The following CLCN4 variants were observed in gnomAD, a reference collection of about 807,000 sequenced individuals.
CLCN4 encodes Cl-/H+ antiporter 4, also known as H(+)/Cl(-) exchange transporter 4.
CLCN4 carries 1 observed loss-of-function variant against 41.7 expected under a neutral mutation model. That is an observed-to-expected ratio of 0.02 (90% CI 0.01 to 0.11). The LOEUF (loss-of-function observed/expected upper bound fraction) is 0.11, where lower values mean the gene tolerates loss of function less well. Ranked by LOEUF, CLCN4 falls within the 10% of genes least tolerant of loss-of-function variation. CLCN4 has a pLI of 1.00. For synonymous variants in CLCN4, 277 were observed against 285.8 expected (o/e 0.97, Z 0.31); for missense variants, 287 against 661.0 (o/e 0.43, Z 6.20).
rs1291139183 is a variant in CLCN4, at chrX:10,198,119, C to CCAAA, written c.555+58_555+59insCAAA. ...ATAAGAATAGCAAATTCTTCTGTAG[C>CCAAA]ACTGTCATGCCAAGCACAGTTCCAA... On this transcript the variant is annotated intron_variant, in intron 6 of 12. Coordinates refer to ENST00000380833, the MANE Select transcript of CLCN4 (RefSeq NM_001830.4). The CCAAA allele has an allele frequency of 3.3e-4, 361 of 1,108,620 alleles. 1 individual carries two copies. In the African/African-American group the frequency reaches 5.9e-3, roughly 18 times the overall value. The allele number at this position is 1,108,620 out of a possible 1,213,427, so 91.4% of individuals were successfully genotyped here.
intron 9 of CLCN4, among the ~76,000 whole-genome samples, chrX:10,210,030 A>T (rs1924504484): frequency 9.0e-6 from 1 of 111,654 alleles, no homozygotes; most frequent in South Asian, 3.7e-4. Context: ...CAGCCCCGGC[A>T]ACCACTAATC....
intron 2 of CLCN4, among the ~76,000 whole-genome samples, chrX:10,165,320 C>T (rs1923220456): frequency 8.9e-6 from 1 of 112,825 alleles, no homozygotes; most frequent in African/African-American, 3.2e-5. Context: ...CCTCTTGAAG[C>T]TGCAGAAGAG....
intron 12 of CLCN4, among the ~76,000 whole-genome samples, chrX:10,224,314 G>GTT (rs1924932100): frequency 9.3e-6 from 1 of 107,971 alleles, no homozygotes; most frequent in South Asian, 4.0e-4. Context: ...GTGTGTGTGT[G>GTT]TGTGTGTGTG....
intron 12 of CLCN4, 54 bp downstream of exon 12, chrX:10,220,931 A>AC: frequency 9.9e-6 from 10 of 1,013,989 alleles, no homozygotes; most frequent in Non-Finnish European, 9.7e-6. Flanking sequence ...GATGAGTGAG[A>AC]CATGGTCTCA....
chrX:10,169,231 G>C (rs2147159214), intron 2 of CLCN4, among the ~76,000 whole-genome samples: 1 of 111,833 alleles, frequency 8.9e-6, no homozygotes, highest in African/African-American at 3.2e-5. Context: ...TCTTGAGAGA[G>C]CTTAAAGGGA....
At position 10,158,289 on chromosome X, in the gene CLCN4, G is replaced by A; in HGVS notation, c.-274G>A. 3.4e-6 allele frequency: 1 copy of A among 291,024 alleles called. No homozygotes were observed. The highest frequency in any genetic ancestry group is 6.0e-6 in the Non-Finnish European group (1 of 166,326). 24.0% of individuals were successfully genotyped at this position (291,024 alleles called of 1,213,427 possible). On this transcript the variant is annotated splice_region_variant and 5_prime_UTR_variant, in exon 2 of 13. Coordinates refer to ENST00000380833, the MANE Select transcript of CLCN4 (RefSeq NM_001830.4). The stretch of plus-strand genomic sequence containing the variant: ...TGTTTTTCATAATTCTTCGCGAAAG[G>A]CCAGGCAAGCTGCACACATCAAGCG...
At chrX:10,160,536 G>A (rs894331931) in intron 2 of CLCN4, among the ~76,000 whole-genome samples, 2 of 111,498 alleles carry the variant, frequency 1.8e-5, no homozygotes, top group Non-Finnish European at 3.8e-5. Flanking sequence ...CTAACCCTGG[G>A]TTAGACCTAA....
chrX:10,192,977 C>T (rs1245184127), intron 4 of CLCN4, among the ~76,000 whole-genome samples: 3 of 111,925 alleles, frequency 2.7e-5, no homozygotes, highest in Non-Finnish European at 5.6e-5. Context: ...TGGGACGAAG[C>T]TGAGGCTGGG....
intron 6 of CLCN4, among the ~76,000 whole-genome samples, chrX:10,200,085 G>A (rs1198619170): frequency 8.9e-6 from 1 of 111,938 alleles, no homozygotes; most frequent in African/African-American, 3.3e-5. Flanking sequence ...TAGAGACGAG[G>A]TCTCACTCTA....
Position 10,233,592 on chromosome X carries a change from G to C in CLCN4, c.*8G>C. 8.6e-7 allele frequency: 1 copy of C among 1,159,787 alleles called. No individual in the cohort carries two copies. On this transcript the variant is annotated 3_prime_UTR_variant, in exon 13 of 13. Coordinates refer to ENST00000380833, the MANE Select transcript of CLCN4 (RefSeq NM_001830.4). ...TCCATCATGTTTAATTAGCAACAAG[G>C]TGGCAATTATTTTCAGAAAAACACT...
chrX:10,226,317 GC>G lies in CLCN4; in HGVS notation c.2192+5441del, dbSNP rs202179842. Among the ~76,000 whole-genome samples the G allele has an allele frequency of 5.2e-3, 585 of 111,643 alleles. 5 individuals are homozygous for G. The highest frequency in any genetic ancestry group is 0.018 in the African/African-American group (558 of 30,712). ...CTCCTGGGTAAATAATAAAATTAAG[GC>G]AGAACTCAAGAAATTCTTTGAAACC... is the stretch of plus-strand genomic sequence containing the variant. On this transcript the variant is annotated intron_variant, in intron 12 of 12. Transcript: ENST00000380833.
At chrX:10,158,641 C>G (rs1194863057) in intron 2 of CLCN4, 90 bp downstream of exon 2, 2 of 249,992 alleles carry the variant, frequency 8.0e-6, no homozygotes. Context: ...GCCTGCAGCC[C>G]GGCTGCGCCC....
chrX:10,226,077 A>G (rs1267423423), intron 12 of CLCN4, among the ~76,000 whole-genome samples: 1 of 111,727 alleles, frequency 9.0e-6, no homozygotes, highest in Non-Finnish European at 1.9e-5. Context: ...CCTCAAAACA[A>G]CAGAATATAC....
At chrX:10,221,113 G>A (rs1259785552) in intron 12 of CLCN4, among the ~76,000 whole-genome samples, 1 of 111,203 alleles carries the variant, frequency 9.0e-6, no homozygotes, top group Non-Finnish European at 1.9e-5. Context: ...CTGGGCTGAG[G>A]GAGGTTGAGT....
intron 5 of CLCN4, 49 bp from the exon 6 acceptor site, chrX:10,197,890 G>C (rs5933821): frequency 8.3e-7 from 1 of 1,200,673 alleles, no homozygotes; most frequent in Admixed American, 2.2e-5. Flanking sequence ...CTGTTGCTCA[G>C]GTCAGCTGTG....
rs768124166 is a variant in CLCN4 at position 10,227,741 on chromosome X, C to G, written c.2193-5753C>G. ...CTTGCCTATTCTGGACATTTCATGT[C>G]AATACAGTCATGCACTATGTGGCCT... On this transcript the variant is annotated intron_variant, in intron 12 of 12. Transcript: ENST00000380833. Among the ~76,000 whole-genome samples, 6 of 111,955 alleles carry G rather than the reference C, an allele frequency of 5.4e-5. No individual in the cohort carries two copies. The East Asian group carries it at 1.7e-3, about 32-fold the overall frequency.
At chrX:10,161,946 C>T (rs1276716138) in intron 2 of CLCN4, among the ~76,000 whole-genome samples, 1 of 108,963 alleles carries the variant, frequency 9.2e-6, no homozygotes, top group Non-Finnish European at 1.9e-5. Flanking sequence ...CTGAGAAGAA[C>T]TGAGACCCGC....
At chrX:10,221,912 G>A (rs1175573729) in intron 12 of CLCN4, among the ~76,000 whole-genome samples, 7 of 111,694 alleles carry the variant, frequency 6.3e-5, no homozygotes, top group Middle Eastern at 4.6e-3. Context: ...ATGTTTGGGG[G>A]CCGGGCATGT....
chrX:10,168,594 C>T (rs937424989), intron 2 of CLCN4, among the ~76,000 whole-genome samples: 3 of 112,316 alleles, frequency 2.7e-5, no homozygotes, highest in African/African-American at 9.7e-5. Flanking sequence ...TTAACTCCAG[C>T]TGATGGCTTG....
Sources: allele counts gnomAD v4.1 joint callset (sites outside exome capture counted in the v4.1 genomes callset), GRCh38; gene constraint gnomAD v4.1.1; transcripts MANE v1.5; gene names NCBI Gene and HGNC (gene_info 2026-07-23, HGNC 2026-07-21).